Variants in HES7 observed in about 807,000 individuals in gnomAD.
HES7 encodes transcription factor HES-7.
Under a neutral mutation model 18.0 loss-of-function variants are expected in HES7, and 8 were observed. The ratio of observed to expected loss-of-function variants is 0.45; its 90% CI spans 0.26 to 0.80. The LOEUF (loss-of-function observed/expected upper bound fraction) is 0.80, where lower values mean the gene tolerates loss of function less well. Ranked by LOEUF, HES7 falls within the 30% of genes least tolerant of loss-of-function variation. The probability of loss-of-function intolerance (pLI) is 0.18; values close to 1 mark genes in which losing one functional copy is unlikely to be tolerated. For missense variants in HES7, 356 were observed against 340.9 expected (o/e 1.04, Z -0.35); for synonymous variants, 170 against 158.6 (o/e 1.07, Z -0.54).
At position 8,121,633 on chromosome 17, in the gene HES7, G is replaced by C; in HGVS notation, c.631C>G (p.Gln211Glu). ...AGCGGGGCCTTGGGCGCCCCGTCTTGTCTGTGAGGCGGCGGTGGCGGCGGC... is the reference window on the plus strand; with the variant it reads ...AGCGGGGCCTTGGGCGCCCCGTCTTCTCTGTGAGGCGGCGGTGGCGGCGGC... The part of the protein sequence containing the change: ...LLPPPPPPHR[Q>E]DGAPKAPLPP... Residue 211 changes from glutamine (Q) to glutamate (E), a missense_variant, in exon 4 of 4, where the codon CAA becomes GAA. Coordinates refer to ENST00000541682, the MANE Select transcript of HES7 (RefSeq NM_001165967.2). 1 of 1,318,496 alleles carries C rather than the reference G, an allele frequency of 7.6e-7. No homozygotes were observed. The highest frequency in any genetic ancestry group is 9.6e-7 in the Non-Finnish European group (1 of 1,041,802). The allele number at this position is 1,318,496 out of a possible 1,614,324, so 81.7% of individuals were successfully genotyped here.
rs1981419026 is a variant in HES7 at position 8,122,658 on chromosome 17, A to G, written c.139-228T>C. ...TCCTAGGGGTTGGAACCAATGCCCA[A>G]CGCGTGAGGAGGAGATTTGAAACCG... is the stretch of plus-strand genomic sequence containing the variant. On this transcript the variant is annotated intron_variant, in intron 2 of 3. Transcript: ENST00000541682. The surrounding 1 kb of genome is among the most constrained non-coding windows in gnomAD (Gnocchi z 6.9). Among the ~76,000 whole-genome samples the G allele has an allele frequency of 6.6e-6, 1 of 152,150 alleles. No individual in the cohort carries two copies. Among genetic ancestry groups the G allele is most frequent in the Admixed American group, 6.5e-5 (1 of 15,268 alleles).
At position 8,122,932 on chromosome 17, in the gene HES7, G is replaced by T; in HGVS notation, c.138+99C>A. On this transcript the variant is annotated intron_variant, in intron 2 of 3. Transcript: ENST00000541682. This position sits in a 1 kb window ranked among gnomAD's most constrained non-coding sequence, Gnocchi z 6.9. ...GGGACTCGGGTGAGGATGCCTTGGG[G>T]CCAGGGTTGCCAACCAAGCTTGTGT... is the stretch of plus-strand genomic sequence containing the variant. 2 of 929,762 alleles carry T rather than the reference G, an allele frequency of 2.2e-6. No homozygotes were observed. Among genetic ancestry groups the T allele is most frequent in the Non-Finnish European group, 3.4e-6 (2 of 579,970 alleles). 57.6% of individuals were successfully genotyped at this position (929,762 alleles called of 1,614,324 possible).
Position 8,123,245 on chromosome 17 carries a change from TTGCC to T in HES7, c.43-123_43-120del. On this transcript the variant is annotated intron_variant, in intron 1 of 3. Transcript: ENST00000541682. This position sits in a 1 kb window ranked among gnomAD's most constrained non-coding sequence, Gnocchi z 5.9. The stretch of plus-strand genomic sequence containing the variant: ...TCCACCCCGGCCACAAGACCCCAGA[TTGCC>T]TAGGGCCGGCCCCATTCGATCCCTC... The T allele has an allele frequency of 1.3e-6, 1 of 766,696 alleles. No individual in the cohort carries two copies. Among genetic ancestry groups the T allele is most frequent in the South Asian group, 1.5e-5 (1 of 67,754 alleles). The allele number at this position is 766,696 out of a possible 1,614,324, so 47.5% of individuals were successfully genotyped here.
chr17:8,123,054 G>T lies in HES7; in HGVS notation c.115C>A (p.Leu39Met). 1 of 1,603,398 alleles carries T rather than the reference G, an allele frequency of 6.2e-7. No homozygotes were observed. Reference sequence around the variant, plus strand: ...ACCTGGTCCCGGGTCCGCTCCAGCAGCAGCAGCCTCAGCTCTTCCAGGCTG... The same window carrying T: ...ACCTGGTCCCGGGTCCGCTCCAGCATCAGCAGCCTCAGCTCTTCCAGGCTG... ...NRSLEELRLL[L>M]LERTRDQNLR... The change falls in exon 2 of 4, where the codon CTG becomes ATG. Residue 39 changes from leucine (L) to methionine (M), a missense_variant. Leu to Met is a conservative substitution (Grantham distance 15). Transcript: ENST00000541682. The surrounding 1 kb of genome is among the most constrained non-coding windows in gnomAD (Gnocchi z 5.9).
In HES7 at chr17:8,121,860, G is replaced by T; in HGVS notation, c.404C>A (p.Pro135Gln). 1 of 1,573,124 alleles carries T rather than the reference G, an allele frequency of 6.4e-7. No individual in the cohort carries two copies. The highest frequency in any genetic ancestry group is 8.5e-7 in the Non-Finnish European group (1 of 1,169,914). Residue 135 changes from proline to glutamine, a missense_variant, in exon 4 of 4, where the codon CCG becomes CAG. Coordinates refer to ENST00000541682, the MANE Select transcript of HES7 (RefSeq NM_001165967.2). ...CGGATCTACCGGCTTGGGCCGGGGC[G>T]GTTTGGGGCGCAGATAGCCGTGCAG... ...SALHGYLRPKPPRPKPVDPRP... is the reference protein window; with the variant it reads ...SALHGYLRPKQPRPKPVDPRP...
chr17:8,122,509 G>A lies in HES7; in HGVS notation c.139-79C>T. The A allele has an allele frequency of 5.1e-6, 5 of 987,454 alleles. No homozygotes were observed. Among genetic ancestry groups the A allele is most frequent in the South Asian group, 1.4e-5 (1 of 70,598 alleles). 61.2% of individuals were successfully genotyped at this position (987,454 alleles called of 1,614,324 possible). A position where few individuals can be genotyped will look rare whatever the true frequency, so the allele number is the denominator to read the frequency against. On this transcript the variant is annotated intron_variant, in intron 2 of 3. Transcript: ENST00000541682. The surrounding 1 kb of genome is among the most constrained non-coding windows in gnomAD (Gnocchi z 6.9). ...AAAGTGGCAGGGGGAAGAAGGGAGG[G>A]ACGGATGCGGGAGCTGGTGGTGCCC...
At position 8,122,154 on chromosome 17, in the gene HES7, G is replaced by A. The variant is rs1981382807; in HGVS notation, c.227-117C>T. ...GGCGCACAGAGACAGGAAGCCAGAT[G>A]GACGGAAAGAGGGAGAAAATGAGGG... is the stretch of plus-strand genomic sequence containing the variant. On this transcript the variant is annotated intron_variant, in intron 3 of 3. Coordinates refer to ENST00000541682, the MANE Select transcript of HES7 (RefSeq NM_001165967.2). The surrounding 1 kb of genome is among the most constrained non-coding windows in gnomAD (Gnocchi z 6.9). 1 of 1,026,532 alleles carries A rather than the reference G, an allele frequency of 9.7e-7. No homozygotes were observed. Among genetic ancestry groups the A allele is most frequent in the Non-Finnish European group, 1.4e-6 (1 of 721,258 alleles). The allele number at this position is 1,026,532 out of a possible 1,614,324, so 63.6% of individuals were successfully genotyped here.
In HES7 at chr17:8,121,437, C is replaced by T; in HGVS notation, c.*134G>A. On this transcript the variant is annotated 3_prime_UTR_variant, in exon 4 of 4. Transcript: ENST00000541682. ...AGATACTCTAATATAGACCACATCT[C>T]ACCCGCGCGCTGAGCCCGCGCGCCC... The T allele has an allele frequency of 1.7e-6, 1 of 582,376 alleles. No individual in the cohort carries two copies. Among genetic ancestry groups the T allele is most frequent in the Non-Finnish European group, 2.6e-6 (1 of 388,164 alleles). 36.1% of individuals were successfully genotyped at this position (582,376 alleles called of 1,614,324 possible).
Position 8,121,540 on chromosome 17 carries a change from C to T in HES7, c.*31G>A. ...CTCGGGCTGGAGTCTCTACCCCACC[C>T]CTAGACCCCGCCCCCACCACCCCCC... On this transcript the variant is annotated 3_prime_UTR_variant, in exon 4 of 4. Coordinates refer to ENST00000541682, the MANE Select transcript of HES7 (RefSeq NM_001165967.2). The T allele has an allele frequency of 2.3e-6, 3 of 1,296,794 alleles. No homozygotes were observed. Among genetic ancestry groups the T allele is most frequent in the Non-Finnish European group, 9.7e-7 (1 of 1,028,512 alleles). The allele number at this position is 1,296,794 out of a possible 1,614,324, so 80.3% of individuals were successfully genotyped here. A position where few individuals can be genotyped will look rare whatever the true frequency, so the allele number is the denominator to read the frequency against.
Position 8,121,844 on chromosome 17 carries a change from C to G in HES7, c.420G>C (p.Pro140=), listed in dbSNP as rs200833034. The change falls in exon 4 of 4, where the codon CCG becomes CCC. Residue 140 remains proline, a synonymous_variant. Coordinates refer to ENST00000541682, the MANE Select transcript of HES7 (RefSeq NM_001165967.2). The part of the protein sequence containing the change: ...YLRPKPPRPK[P]VDPRPPAPRP... ...GCGGCGCTGGAGGCCTCGGATCTAC[C>G]GGCTTGGGCCGGGGCGGTTTGGGGC... 1.3e-6 allele frequency: 2 copies of G among 1,571,486 alleles called. No homozygotes were observed. The highest frequency in any genetic ancestry group is 1.7e-6 in the Non-Finnish European group (2 of 1,169,302).
At position 8,122,564 on chromosome 17, in the gene HES7, C is replaced by T. The variant is rs553436244; in HGVS notation, c.139-134G>A. The T allele has an allele frequency of 3.2e-5, 22 of 687,296 alleles. No individual in the cohort carries two copies. In the African/African-American group the frequency reaches 3.6e-4, roughly 11 times the overall value. 42.6% of individuals were successfully genotyped at this position (687,296 alleles called of 1,614,324 possible). On this transcript the variant is annotated intron_variant, in intron 2 of 3. Coordinates refer to ENST00000541682, the MANE Select transcript of HES7 (RefSeq NM_001165967.2). This position sits in a 1 kb window ranked among gnomAD's most constrained non-coding sequence, Gnocchi z 6.9. Reference sequence around the variant, plus strand: ...TCGCATTTGCGCACTGCCCACAGAACGCGCGACCAAATGCGGAGTGGAGAT... The same window carrying T: ...TCGCATTTGCGCACTGCCCACAGAATGCGCGACCAAATGCGGAGTGGAGAT...
At chr17:8,126,022 C>A (rs534953936), upstream of HES7, among the ~76,000 whole-genome samples, 2 of 151,936 alleles carry the variant, frequency 1.3e-5, no homozygotes, top group Admixed American at 6.6e-5. Context: ...CTCCACACCC[C>A]CCTCCCTCCG....
upstream of HES7, among the ~76,000 whole-genome samples, chr17:8,125,656 A>G (rs1383094429): frequency 2.0e-5 from 3 of 152,166 alleles, no homozygotes; most frequent in African/African-American, 7.2e-5. Context: ...ACCATTCGGG[A>G]CCACTTCCCT....
rs1053920841 is a variant in HES7 at position 8,120,938 on chromosome 17, A to G, written c.*633T>C. The G allele has an allele frequency of 6.5e-6, 1 of 152,672 alleles. No homozygotes were observed. The highest frequency in any genetic ancestry group is 1.5e-5 in the Non-Finnish European group (1 of 68,062). The allele number at this position is 152,672 out of a possible 1,614,324, so 9.5% of individuals were successfully genotyped here. ...CGTTCGTCGGGTGGCTCTGTGGCGC[A>G]ATGGATAGCGCATTGGACTTCTAGT... On this transcript the variant is annotated 3_prime_UTR_variant, in exon 4 of 4. Transcript: ENST00000541682.
At chr17:8,124,644 G>A (rs952309827), upstream of HES7, among the ~76,000 whole-genome samples, 27 of 152,262 alleles carry the variant, frequency 1.8e-4, no homozygotes, top group South Asian at 6.2e-4. Flanking sequence ...TCAAGTCCGC[G>A]AACATCTGCG....
chr17:8,121,569 G>T lies in HES7; in HGVS notation c.*2C>A. 2.3e-6 allele frequency: 3 copies of T among 1,301,898 alleles called. No individual in the cohort carries two copies. Among genetic ancestry groups the T allele is most frequent in the South Asian group, 2.5e-5 (1 of 39,904 alleles). The allele number at this position is 1,301,898 out of a possible 1,614,324, so 80.6% of individuals were successfully genotyped here. A position where few individuals can be genotyped will look rare whatever the true frequency, so the allele number is the denominator to read the frequency against. On this transcript the variant is annotated 3_prime_UTR_variant, in exon 4 of 4. Coordinates refer to ENST00000541682, the MANE Select transcript of HES7 (RefSeq NM_001165967.2). ...GACCCCGCCCCCACCACCCCCCAAG[G>T]CTCAGGGCCAAGGTCTCCAGAAAGC... is the stretch of plus-strand genomic sequence containing the variant.
chr17:8,123,412 TG>T lies in HES7; in HGVS notation c.43-287del. On this transcript the variant is annotated intron_variant, in intron 1 of 3. Transcript: ENST00000541682. The surrounding 1 kb of genome is among the most constrained non-coding windows in gnomAD (Gnocchi z 5.9). ...CCTCTTTTCTCTCTACGTCTCCGTC[TG>T]GTGCAGTTTCTCTTTGTCTCAGTGG... is the stretch of plus-strand genomic sequence containing the variant. 2 of 529,144 alleles carry T rather than the reference TG, an allele frequency of 3.8e-6. No homozygotes were observed. The highest frequency in any genetic ancestry group is 6.8e-6 in the Non-Finnish European group (2 of 292,330). The allele number at this position is 529,144 out of a possible 1,614,324, so 32.8% of individuals were successfully genotyped here.
chr17:8,123,140 G>T lies in HES7; in HGVS notation c.43-14C>A. ...CGGCTTGAGCATCTGCGACCAGCGA[G>T]AAAAGGAGAGCGGGCCGACCAGACC... On this transcript the variant is annotated splice_polypyrimidine_tract_variant and intron_variant, in intron 1 of 3. Coordinates refer to ENST00000541682, the MANE Select transcript of HES7 (RefSeq NM_001165967.2). The surrounding 1 kb of genome is among the most constrained non-coding windows in gnomAD (Gnocchi z 5.9). The T allele has an allele frequency of 6.3e-7, 1 of 1,594,630 alleles. No homozygotes were observed.
Position 8,124,087 on chromosome 17 carries a change from C to G in HES7, c.-3G>C, listed in dbSNP as rs779177302. ...TCAGCTCGATCCCGGGTGACCATTG[C>G]TCCTCCGGACCCTGTGTGGACCGGT... On this transcript the variant is annotated 5_prime_UTR_variant, in exon 1 of 4. Coordinates refer to ENST00000541682, the MANE Select transcript of HES7 (RefSeq NM_001165967.2). 6.2e-7 allele frequency: 1 copy of G among 1,613,956 alleles called. No individual in the cohort carries two copies. The highest frequency in any genetic ancestry group is 8.5e-7 in the Non-Finnish European group (1 of 1,180,040).
Sources: gnomAD v4.1 joint callset for allele counts (sites outside exome capture counted in the v4.1 genomes callset) on GRCh38, gnomAD v4.1.1 for gene constraint, Gnocchi (gnomAD v3.1) non-coding constraint, MANE v1.5 for transcripts, NCBI Gene and HGNC (gene_info 2026-07-23, HGNC 2026-07-21) for gene names.